TMEM87A: variants seen among roughly 807,000 people sequenced by gnomAD.
TMEM87A encodes the protein transmembrane protein 87A, also known as Golgi-pH regulating cation channel.
In TMEM87A, 50 loss-of-function variants were observed where a neutral mutation model predicts 90.0. That is an observed-to-expected ratio of 0.56 (90% CI 0.44 to 0.70). The LOEUF (loss-of-function observed/expected upper bound fraction) is 0.70, where lower values mean the gene tolerates loss of function less well. TMEM87A is among the 30% of genes least tolerant of loss of function. TMEM87A has a pLI of 0.00. For missense variants in TMEM87A, 577 were observed against 660.5 expected (o/e 0.87, Z 1.39); for synonymous variants, 226 against 226.7 (o/e 1.00, Z 0.03).
At position 42,261,002 on chromosome 15, in the gene TMEM87A, C is replaced by T; in HGVS notation, c.460G>A (p.Ala154Thr). The change falls in exon 6 of 20, where the codon GCT becomes ACT. Residue 154 changes from alanine (A) to threonine (T), a missense_variant and splice_region_variant. By Grantham distance (58) the Ala-to-Thr change is moderately conservative. Coordinates refer to ENST00000389834, the MANE Select transcript of TMEM87A (RefSeq NM_015497.5). Reference protein sequence around the residue: ...RLPLLGEKQEAKENGTNLTFI... With the variant: ...RLPLLGEKQETKENGTNLTFI... ...GTAAGGTTTGTTCCATTCTCCTTAG[C>T]CTTTAAACATTAAAAAAATAATAAT... The T allele has an allele frequency of 1.3e-6, 2 of 1,515,576 alleles. No individual in the cohort carries two copies. The highest frequency in any genetic ancestry group is 1.8e-6 in the Non-Finnish European group (2 of 1,137,532). 93.9% of individuals were successfully genotyped at this position (1,515,576 alleles called of 1,614,324 possible). A position where few individuals can be genotyped will look rare whatever the true frequency, so the allele number is the denominator to read the frequency against.
At chr15:42,220,220 T>G (rs2050452467) in intron 15 of TMEM87A, 85 bp from the exon 16 acceptor site, 5 of 920,314 alleles carry the variant, frequency 5.4e-6, no homozygotes, top group Non-Finnish European at 6.8e-6. Context: ...AACTAATTAT[T>G]GAAACTGCAA....
Position 42,264,136 on chromosome 15 carries a change from G to A in TMEM87A, c.359C>T (p.Thr120Ile). 6.2e-7 allele frequency: 1 copy of A among 1,613,678 alleles called. No individual in the cohort carries two copies. Among genetic ancestry groups the A allele is most frequent in the South Asian group, 1.1e-5 (1 of 91,044 alleles). Residue 120 changes from threonine (T) to isoleucine (I), a missense_variant, in exon 4 of 20, where the codon ACA becomes ATA. Physicochemically the swap from Thr to Ile is moderately conservative, Grantham distance 89. Transcript: ENST00000389834. The stretch of plus-strand genomic sequence containing the variant: ...GCAGTTCTGGAACAATTTTGATGAT[G>A]TTTGATATTTCCCAGACAAGCCTCT... ...EKRGLSGKYQ[T>I]SSKLFQNCSE... is the part of the protein sequence containing the mutation.
At chr15:42,240,281 A>G (rs1282765586) in intron 7 of TMEM87A, among the ~76,000 whole-genome samples, 1 of 152,132 alleles carries the variant, frequency 6.6e-6, no homozygotes, top group African/African-American at 2.4e-5. Context: ...AAGGCATTGG[A>G]AAAAAACTTA....
chr15:42,273,382 C>T lies in TMEM87A; in HGVS notation c.17G>A (p.Trp6Ter). 1 of 1,614,068 alleles carries T rather than the reference C, an allele frequency of 6.2e-7. No individual in the cohort carries two copies. The highest frequency in any genetic ancestry group is 8.5e-7 in the Non-Finnish European group (1 of 1,180,022). ...AAGAATGACAGGCAACACCTGAAGC[C>T]ACGCAGCCGCCGCCATCTTCACAGC... MAAAA[W>*]LQVLPVILLL... Residue 6 changes from tryptophan to a stop codon, truncating the protein, a stop_gained, in exon 1 of 20, where the codon TGG becomes TAG. Transcript: ENST00000389834. LOFTEE classifies it high-confidence loss of function.
intron 4 of TMEM87A, among the ~76,000 whole-genome samples, chr15:42,263,189 AC>A (rs2051331177): frequency 1.3e-5 from 2 of 152,268 alleles, no homozygotes; most frequent in South Asian, 4.1e-4. Flanking sequence ...AAAATGTGGT[AC>A]ATACATACAA....
intron 15 of TMEM87A, among the ~76,000 whole-genome samples, chr15:42,225,300 T>TG (rs796086886): frequency 5.1e-4 from 32 of 63,184 alleles, no homozygotes; most frequent in African/African-American, 1.0e-3. Flanking sequence ...TAAATGCAAA[T>TG]GGGGGGGGGG....
At chr15:42,244,431 C>A (rs575297786) in intron 6 of TMEM87A, among the ~76,000 whole-genome samples, 1 of 151,960 alleles carries the variant, frequency 6.6e-6, no homozygotes, top group Non-Finnish European at 1.5e-5. Context: ...AAACCCCCAA[C>A]TAAAATCACT....
intron 6 of TMEM87A, among the ~76,000 whole-genome samples, chr15:42,252,568 C>A (rs1028573275): frequency 6.6e-6 from 1 of 151,714 alleles, no homozygotes; most frequent in Non-Finnish European, 1.5e-5. Context: ...TACCTTTCTC[C>A]CTCTCTTCTC....
At chr15:42,251,517 T>C (rs1005648403) in intron 6 of TMEM87A, among the ~76,000 whole-genome samples, 1 of 152,214 alleles carries the variant, frequency 6.6e-6, no homozygotes, top group Non-Finnish European at 1.5e-5. Flanking sequence ...TGCAGGTCTG[T>C]TGGAGTTTGC....
intron 8 of TMEM87A, among the ~76,000 whole-genome samples, chr15:42,238,986 T>C (rs190605456): frequency 5.9e-5 from 9 of 152,082 alleles, no homozygotes; most frequent in East Asian, 5.8e-4. Context: ...CACACATACA[T>C]GTATGTGCAC....
chr15:42,228,212 A>G (rs72718869), intron 13 of TMEM87A, among the ~76,000 whole-genome samples: 9,902 of 152,312 alleles, frequency 0.065, 505 homozygotes, highest in Non-Finnish European at 0.094. Context: ...AGTTCCAATC[A>G]TAAATCAGAC....
intron 3 of TMEM87A, among the ~76,000 whole-genome samples, chr15:42,266,392 T>C (rs2051404702): frequency 6.6e-6 from 1 of 151,958 alleles, no homozygotes; most frequent in African/African-American, 2.4e-5. Context: ...GGCAGACACC[T>C]GTAATCCCAG....
chr15:42,264,019 G>A (rs1282151294), intron 4 of TMEM87A, 71 bp downstream of exon 4: 7 of 1,222,440 alleles, frequency 5.7e-6, no homozygotes, highest in African/African-American at 1.5e-5. Flanking sequence ...GTCGGAAGTG[G>A]ATACAGCCAA....
chr15:42,224,685 GTTAAT>G (rs1179657475), intron 15 of TMEM87A: 1 of 152,114 alleles, frequency 6.6e-6, no homozygotes, highest in Non-Finnish European at 1.5e-5. Context: ...AAGAGAATAT[GTTAAT>G]TTAACTGTAC....
At chr15:42,265,873 CTT>C (rs1184127954) in intron 3 of TMEM87A, among the ~76,000 whole-genome samples, 1 of 152,070 alleles carries the variant, frequency 6.6e-6, no homozygotes, top group Non-Finnish European at 1.5e-5. Context: ...TTTAATCTAT[CTT>C]GAGTTGATTT....
At chr15:42,249,255 G>A (rs947774403) in intron 6 of TMEM87A, among the ~76,000 whole-genome samples, 1 of 152,162 alleles carries the variant, frequency 6.6e-6, no homozygotes, top group Non-Finnish European at 1.5e-5. Flanking sequence ...TGATTCTCTT[G>A]AAGGGTTTTT....
chr15:42,218,624 C>A (rs1359210630), intron 17 of TMEM87A, among the ~76,000 whole-genome samples: 2 of 152,160 alleles, frequency 1.3e-5, no homozygotes, highest in Non-Finnish European at 2.9e-5. Flanking sequence ...TCTAGGAATT[C>A]AACTTTTTTA....
chr15:42,238,480 G>C (rs1248270159), intron 8 of TMEM87A, among the ~76,000 whole-genome samples: 2 of 152,184 alleles, frequency 1.3e-5, no homozygotes, highest in Non-Finnish European at 2.9e-5. Context: ...TGAGGCAGGA[G>C]AATCGCTTGA....
intron 19 of TMEM87A, 29 bp downstream of exon 19, chr15:42,217,774 T>C (rs2050406491): frequency 1.2e-6 from 2 of 1,609,476 alleles, no homozygotes; most frequent in Middle Eastern, 1.7e-4. Context: ...ACCATATACA[T>C]AATTTATGCA....
Sources: allele counts gnomAD v4.1 joint callset (sites outside exome capture counted in the v4.1 genomes callset), GRCh38; gene constraint gnomAD v4.1.1; transcripts MANE v1.5; gene names NCBI Gene and HGNC (gene_info 2026-07-23, HGNC 2026-07-21).